NLRP14: variants seen among roughly 807,000 people sequenced by gnomAD.
NLRP14 encodes the protein NLR family pyrin domain containing 14.
Under a neutral mutation model 94.7 loss-of-function variants are expected in NLRP14, and 105 were observed. That is an observed-to-expected ratio of 1.11 (90% confidence interval 0.95 to 1.30). The LOEUF (loss-of-function observed/expected upper bound fraction) is 1.30, where lower values mean the gene tolerates loss of function less well. Among genes scored for constraint, NLRP14 ranks in the 50% most tolerant of loss-of-function variants. The pLI is 0.00. For synonymous variants in NLRP14, 508 were observed against 459.9 expected (o/e 1.10, Z -1.34); for missense variants, 1,362 against 1,254.1 (o/e 1.09, Z -1.30).
chr11:7,059,263 T>G (rs1852572829), intron 8 of NLRP14, among the ~76,000 whole-genome samples: 1 of 151,430 alleles, frequency 6.6e-6, no homozygotes, highest in Non-Finnish European at 1.5e-5. Flanking sequence ...CTAACTTTCT[T>G]TATGGTCATT....
chr11:7,090,007 G>C, the NLRP14 span: 1 of 1,613,002 alleles, frequency 6.2e-7, no homozygotes, highest in Non-Finnish European at 8.5e-7. Flanking sequence ...GCCCCAGGAC[G>C]GGGGACACCG....
Position 7,043,119 on chromosome 11 carries a change from A to G in NLRP14, c.1093A>G (p.Met365Val), listed in dbSNP as rs1344630576. The G allele has an allele frequency of 8.7e-6, 14 of 1,614,214 alleles. No individual in the cohort carries two copies. In the Middle Eastern group the frequency reaches 4.9e-4, roughly 57 times the overall value. Residue 365 changes from methionine (M) to valine (V), a missense_variant, in exon 4 of 12, where the codon ATG (methionine) becomes GTG (valine). Coordinates refer to ENST00000299481, the MANE Select transcript of NLRP14 (RefSeq NM_176822.4). ...AAAAAGCAATGAGATGCTGTTTAGCATGTGCCAAGTCCCCCTAGTGTGCTG... is the reference window on the plus strand; with the variant it reads ...AAAAAGCAATGAGATGCTGTTTAGCGTGTGCCAAGTCCCCCTAGTGTGCTG... ...SLKSNEMLFSMCQVPLVCWAA... is the reference protein window; with the variant it reads ...SLKSNEMLFSVCQVPLVCWAA...
rs745797642 is a variant in NLRP14, at chr11:7,059,906, C to T, written c.2646C>T (p.Cys882=). The T allele has an allele frequency of 6.2e-7, 1 of 1,612,134 alleles. No homozygotes were observed. The highest frequency in any genetic ancestry group is 8.5e-7 in the Non-Finnish European group (1 of 1,178,582). Residue 882 remains cysteine, a synonymous_variant, in exon 9 of 12, where the codon TGC becomes TGT. Coordinates refer to ENST00000299481, the MANE Select transcript of NLRP14 (RefSeq NM_176822.4). Reference sequence around the variant, plus strand: ...GTCCTTCCTGTAGGCTGAGGCGTTGCCATTTCACTTCACTTAGCAGTGAAT... The same window carrying T: ...GTCCTTCCTGTAGGCTGAGGCGTTGTCATTTCACTTCACTTAGCAGTGAAT... ...CTLKSLVLRR[C]HFTSLSSEYL...
rs369467168 is a variant in NLRP14, at chr11:7,043,093, T to C, written c.1067T>C (p.Leu356Pro). 1 of 1,614,060 alleles carries C rather than the reference T, an allele frequency of 6.2e-7. No homozygotes were observed. Among genetic ancestry groups the C allele is most frequent in the Non-Finnish European group, 8.5e-7 (1 of 1,180,040 alleles). ...KRWAMKVFSS[L>P]KSNEMLFSMC... ...TGGGCCATGAAAGTATTCAGTTCAC[T>C]AAAAAGCAATGAGATGCTGTTTAGC... The change falls in exon 4 of 12, where the codon CTA (leucine) becomes CCA (proline). Residue 356 changes from leucine (L) to proline (P), a missense_variant. Leu to Pro is a moderately conservative substitution (Grantham distance 98). Transcript: ENST00000299481.
At chr11:7,025,962 A>G (rs971828908) in intron 1 of NLRP14, among the ~76,000 whole-genome samples, 1 of 152,222 alleles carries the variant, frequency 6.6e-6, no homozygotes, top group African/African-American at 2.4e-5. Flanking sequence ...TCAAAGGTAT[A>G]TATAGAAACC....
At chr11:7,023,451 T>A (rs1851972167) in intron 1 of NLRP14, among the ~76,000 whole-genome samples, 1 of 146,288 alleles carries the variant, frequency 6.8e-6, no homozygotes, top group South Asian at 2.1e-4. Flanking sequence ...TTTTATTTTA[T>A]ATATGTATAA....
chr11:7,073,255 G>A (rs1326728809), downstream of NLRP14, among the ~76,000 whole-genome samples: 2 of 152,226 alleles, frequency 1.3e-5, no homozygotes, highest in Non-Finnish European at 2.9e-5. Flanking sequence ...GATGGGAGTA[G>A]TGTCAAAGAA....
downstream of NLRP14, among the ~76,000 whole-genome samples, chr11:7,074,801 G>T (rs11041162): frequency 0.57 from 86,100 of 151,866 alleles, 25,194 homozygotes; most frequent in East Asian, 0.78. Context: ...ATCTGAAGAG[G>T]TTTAGTATTT....
intron 9 of NLRP14, among the ~76,000 whole-genome samples, chr11:7,061,621 A>G (rs1437803216): frequency 6.6e-6 from 1 of 152,094 alleles, no homozygotes; most frequent in Admixed American, 6.6e-5. Flanking sequence ...GCAAATTACA[A>G]TATATTCCAT....
At chr11:7,023,629 T>C (rs753777009) in intron 1 of NLRP14, among the ~76,000 whole-genome samples, 1 of 151,162 alleles carries the variant, frequency 6.6e-6, no homozygotes, top group Non-Finnish European at 1.5e-5. Flanking sequence ...AGAAATTATA[T>C]TAGGCCATCT....
intron 5 of NLRP14, among the ~76,000 whole-genome samples, chr11:7,048,403 A>G (rs776646727): frequency 6.6e-6 from 1 of 152,086 alleles, no homozygotes; most frequent in Non-Finnish European, 1.5e-5. Flanking sequence ...TAATCTCTGT[A>G]TTTTGTGCCT....
chr11:7,046,952 A>AGGG, intron 5 of NLRP14, 120 bp downstream of exon 5: 1 of 799,338 alleles, frequency 1.3e-6, no homozygotes, highest in South Asian at 1.4e-5. Context: ...CATTTTGTAA[A>AGGG]ATAAACAGGA....
In NLRP14 at chr11:7,043,942, T is replaced by A. The variant is rs757316635; in HGVS notation, c.1916T>A (p.Phe639Tyr). Residue 639 changes from phenylalanine (F) to tyrosine (Y), a missense_variant, in exon 4 of 12, where the codon TTT becomes TAT. Transcript: ENST00000299481. ...RTIRLSVTVV[F>Y]EKKILKTSLP... ...ATCAGGCTGTCTGTAACTGTGGTATTTGAGAAGAAGATATTAAAAACAAGC... is the reference window on the plus strand; with the variant it reads ...ATCAGGCTGTCTGTAACTGTGGTATATGAGAAGAAGATATTAAAAACAAGC... The A allele has an allele frequency of 2.5e-6, 4 of 1,614,170 alleles. No homozygotes were observed. Among genetic ancestry groups the A allele is most frequent in the Non-Finnish European group, 3.4e-6 (4 of 1,180,012 alleles).
chr11:7,090,446 A>T, the NLRP14 span: 1 of 1,108,862 alleles, frequency 9.0e-7, no homozygotes, highest in African/African-American at 1.6e-5. Context: ...CTCCATTTTT[A>T]TGCTTTTGGG....
chr11:7,048,075 T>G (rs1293003941), intron 5 of NLRP14, among the ~76,000 whole-genome samples: 1 of 152,180 alleles, frequency 6.6e-6, no homozygotes, highest in Non-Finnish European at 1.5e-5. Flanking sequence ...CATCTTCTTG[T>G]GCTCAACAAA....
Position 7,043,794 on chromosome 11 carries a change from CAAGAT to C in NLRP14, c.1771_1775del (p.Asp591SerfsTer16), listed in dbSNP as rs759139779. 1.2e-6 allele frequency: 2 copies of C among 1,614,096 alleles called. No homozygotes were observed. Among genetic ancestry groups the C allele is most frequent in the Non-Finnish European group, 1.7e-6 (2 of 1,179,988 alleles). ...GTTGTTTCACTGTCTGTATGAGACTCAAGATAAAGCGTTTATAAGCCAGGCAATGA... is the reference window on the plus strand; with the variant it reads ...GTTGTTTCACTGTCTGTATGAGACTCAAAGCGTTTATAAGCCAGGCAATGA... On this transcript the variant is annotated frameshift_variant, in exon 4 of 12. Coordinates refer to ENST00000299481, the MANE Select transcript of NLRP14 (RefSeq NM_176822.4). LOFTEE classifies it high-confidence loss of function.
At position 7,057,854 on chromosome 11, in the gene NLRP14, G is replaced by A; in HGVS notation, c.2462+7G>A. On this transcript the variant is annotated splice_region_variant and intron_variant, in intron 7 of 11. Transcript: ENST00000299481. Reference sequence around the variant, plus strand: ...GTTATCTAGAGAGACTGTCGTGAGTGTTTCTGTTTTGTTTTCTGTAGAGTC... The same window carrying A: ...GTTATCTAGAGAGACTGTCGTGAGTATTTCTGTTTTGTTTTCTGTAGAGTC... 1 of 1,609,430 alleles carries A rather than the reference G, an allele frequency of 6.2e-7. No individual in the cohort carries two copies. Among genetic ancestry groups the A allele is most frequent in the Non-Finnish European group, 8.5e-7 (1 of 1,175,952 alleles).
At chr11:7,039,963 A>C (rs545938701) in intron 3 of NLRP14, among the ~76,000 whole-genome samples, 178 bp downstream of exon 3, 2 of 152,344 alleles carry the variant, frequency 1.3e-5, no homozygotes, top group South Asian at 4.1e-4. Flanking sequence ...AGTCAGAATC[A>C]GGGCCTTGTT....
At chr11:7,021,954 G>GA (rs1035058538) in intron 1 of NLRP14, among the ~76,000 whole-genome samples, 116 of 137,814 alleles carry the variant, frequency 8.4e-4, no homozygotes, top group Admixed American at 1.7e-3. Context: ...AAAATTAAAA[G>GA]AAAAAAAAAA....
Sources: allele counts gnomAD v4.1 joint callset (sites outside exome capture counted in the v4.1 genomes callset), GRCh38; gene constraint gnomAD v4.1.1; transcripts MANE v1.5; gene names NCBI Gene and HGNC (gene_info 2026-07-23, HGNC 2026-07-21).